NBPF19: variants seen among roughly 807,000 people sequenced by gnomAD.
NBPF19 encodes NBPF family member NBPF19.
In NBPF19, 30 loss-of-function variants were observed where a neutral mutation model predicts 45.9. The ratio of observed to expected loss-of-function variants is 0.65; its 90% CI spans 0.49 to 0.89. NBPF19 has a LOEUF of 0.89. NBPF19 is among the 40% of genes least tolerant of loss of function. NBPF19 has a pLI of 0.00. For missense variants in NBPF19, 495 were observed against 471.8 expected, an observed-to-expected ratio of 1.05 and a Z score of -0.46; for synonymous variants, 183 against 181.2, an observed-to-expected ratio of 1.01 and a Z score of -0.08.
chr1:149,478,765 G>A (rs2084997748), intron 3 of NBPF19, 115 bp from the exon 4 acceptor site: 3 of 1,186,014 alleles, frequency 2.5e-6, no homozygotes, highest in Admixed American at 3.4e-5. Flanking sequence ...AACATGTGCT[G>A]ACCTTCTGCT....
intron 7 of NBPF19, among the ~76,000 whole-genome samples, chr1:149,483,558 T>C (rs2085332418): frequency 6.7e-6 from 1 of 149,664 alleles, no homozygotes; most frequent in Non-Finnish European, 1.5e-5. Flanking sequence ...TATGTGTGAA[T>C]TTGATCCTGT....
At chr1:149,554,257 A>G (rs1443257380) in intron 93 of NBPF19, among the ~76,000 whole-genome samples, 2 of 151,560 alleles carry the variant, frequency 1.3e-5, no homozygotes, top group African/African-American at 4.8e-5. Flanking sequence ...CCAATTCACT[A>G]GGTCACTTTC....
In NBPF19 at chr1:149,477,967, C is replaced by G; in HGVS notation, c.198C>G (p.Leu66=). ...CAGAGTATGAAGAGTGTAAAGACCT[C>G]ATAAAATTTATGCTGAGGAATGAGC... ...KKYKYEECKD[L]IKFMLRNERQ... is the part of the protein sequence containing the mutation. The change falls in exon 3 of 94, where the codon CTC becomes CTG. Residue 66 remains leucine, a synonymous_variant. Transcript: ENST00000651566. 4 of 1,452,938 alleles carry G rather than the reference C, an allele frequency of 2.8e-6. No individual in the cohort carries two copies. The South Asian group carries it at 4.5e-5, about 16-fold the overall frequency. 90.0% of individuals were successfully genotyped at this position (1,452,938 alleles called of 1,614,324 possible). A position where few individuals can be genotyped will look rare whatever the true frequency, so the allele number is the denominator to read the frequency against.
At position 149,554,203 on chromosome 1, in the gene NBPF19, T is replaced by G. The variant is rs1218511661; in HGVS notation, c.11289-292T>G. Among the ~76,000 whole-genome samples, 34 of 150,518 alleles carry G rather than the reference T, an allele frequency of 2.3e-4. No individual in the cohort carries two copies. The East Asian group carries it at 6.4e-3, about 28-fold the overall frequency. The stretch of plus-strand genomic sequence containing the variant: ...AGTTTGCTGTGTGTCATGAGGGCAC[T>G]AACTCAGAGTGTCCTTTTACTCCCT... On this transcript the variant is annotated intron_variant, in intron 93 of 93. Coordinates refer to ENST00000651566, the MANE Select transcript of NBPF19 (RefSeq NM_001351365.2).
chr1:149,480,284 T>C, intron 5 of NBPF19, 70 bp downstream of exon 5: 1 of 630,578 alleles, frequency 1.6e-6, no homozygotes, highest in African/African-American at 1.9e-5. Flanking sequence ...GCACACCCTC[T>C]CTGGCATCTA....
At position 149,555,133 on chromosome 1, in the gene NBPF19, C is replaced by A. The variant is rs1163443457; in HGVS notation, c.*395C>A. ...AAGGTGTTACCCTGGTTTCAATGAA[C>A]CTAACCTCATTCTTTGTGTCTTCAG... On this transcript the variant is annotated 3_prime_UTR_variant, in exon 94 of 94. Coordinates refer to ENST00000651566, the MANE Select transcript of NBPF19 (RefSeq NM_001351365.2). 60 of 267,724 alleles carry A rather than the reference C, an allele frequency of 2.2e-4. 1 individual carries two copies. The highest frequency in any genetic ancestry group is 1.7e-4 in the Non-Finnish European group (24 of 138,922). 16.6% of individuals were successfully genotyped at this position (267,724 alleles called of 1,614,324 possible).
At chr1:149,528,009 G>T (rs2086838114) in intron 60 of NBPF19, among the ~76,000 whole-genome samples, 1 of 87,494 alleles carries the variant, frequency 1.1e-5, no homozygotes, top group Non-Finnish European at 2.2e-5. Context: ...CATGCCTGTG[G>T]CAACCTGAGC....
intron 9 of NBPF19, among the ~76,000 whole-genome samples, 156 bp from the exon 10 acceptor site, chr1:149,487,857 G>C (rs1369013180): frequency 8.9e-5 from 13 of 146,196 alleles, no homozygotes; most frequent in Admixed American, 3.4e-4. Flanking sequence ...CCTGGCCCTA[G>C]TCTATCCCAA....
Position 149,554,579 on chromosome 1 carries a change from C to T in NBPF19, c.11373C>T (p.Tyr3791=), listed in dbSNP as rs1310520578. The change falls in exon 94 of 94, where the codon TAC becomes TAT. Residue 3791 remains tyrosine, a synonymous_variant. Coordinates refer to ENST00000651566, the MANE Select transcript of NBPF19 (RefSeq NM_001351365.2). ...GATGTTATTCGACTCCGTCAATGTA[C>T]TTTGAACTACCTGACTCATTCCAGC... is the stretch of plus-strand genomic sequence containing the variant. ...LDGCYSTPSM[Y]FELPDSFQHY... 175 of 1,608,244 alleles carry T rather than the reference C, an allele frequency of 1.1e-4. 3 individuals carry two copies. In the South Asian group the frequency reaches 1.6e-3, roughly 15 times the overall value.
At chr1:149,487,267 A>G in intron 8 of NBPF19, 65 bp from the exon 9 acceptor site, 8 of 1,189,642 alleles carry the variant, frequency 6.7e-6, no homozygotes, top group Non-Finnish European at 9.9e-6. Flanking sequence ...AGGATTGGAC[A>G]GAGGAATGTT....
intron 9 of NBPF19, 40 bp downstream of exon 9, chr1:149,487,423 C>A (rs1402112533): frequency 1.9e-6 from 2 of 1,072,226 alleles, no homozygotes; most frequent in Non-Finnish European, 2.9e-6. Context: ...TTGATGTTGA[C>A]ACCTGGAGAT....
chr1:149,555,110 G>A lies in NBPF19; in HGVS notation c.*372G>A, dbSNP rs1211254839. 3 of 307,464 alleles carry A rather than the reference G, an allele frequency of 9.8e-6. No homozygotes were observed. The highest frequency in any genetic ancestry group is 3.5e-5 in the South Asian group (1 of 28,664). 19.0% of individuals were successfully genotyped at this position (307,464 alleles called of 1,614,324 possible). On this transcript the variant is annotated 3_prime_UTR_variant, in exon 94 of 94. Coordinates refer to ENST00000651566, the MANE Select transcript of NBPF19 (RefSeq NM_001351365.2). The stretch of plus-strand genomic sequence containing the variant: ...CATCTTTGTGTTTAGCTCATCCAAA[G>A]GTGTTACCCTGGTTTCAATGAACCT...
intron 7 of NBPF19, among the ~76,000 whole-genome samples, chr1:149,483,573 A>G (rs2085333855): frequency 6.7e-6 from 1 of 150,092 alleles, no homozygotes; most frequent in Non-Finnish European, 1.5e-5. Context: ...TCCTGTCGTT[A>G]TGATGTTAGC....
In NBPF19 at chr1:149,475,228, G is replaced by GA. The variant is rs1374333631; in HGVS notation, c.-597dup. ...ATTCATTCACTTTCTAGTGGATACA[G>GA]AAAAAACTGCAGAAGACCCAGAGGA... On this transcript the variant is annotated 5_prime_UTR_variant, in exon 1 of 94. Coordinates refer to ENST00000651566, the MANE Select transcript of NBPF19 (RefSeq NM_001351365.2). Among the ~76,000 whole-genome samples the GA allele has an allele frequency of 8.0e-5, 12 of 150,352 alleles. No individual in the cohort carries two copies. The highest frequency in any genetic ancestry group is 2.9e-4 in the African/African-American group (12 of 40,952).
chr1:149,479,727 C>G (rs2085060182), intron 4 of NBPF19, among the ~76,000 whole-genome samples: 1 of 150,044 alleles, frequency 6.7e-6, no homozygotes, highest in African/African-American at 2.5e-5. Context: ...CCTGTGCAGT[C>G]TCATGACGCA....
chr1:149,487,207 T>G, intron 8 of NBPF19, 125 bp from the exon 9 acceptor site: 1 of 820,162 alleles, frequency 1.2e-6, no homozygotes, highest in Non-Finnish European at 2.1e-6. Flanking sequence ...CTGCAATATT[T>G]CTCTCAAAGT....
Position 149,494,178 on chromosome 1 carries a change from A to C in NBPF19, c.1998-140A>C, listed in dbSNP as rs1298518310. The C allele has an allele frequency of 1.1e-5, 6 of 537,542 alleles. 1 individual carries two copies. The East Asian group carries it at 2.2e-4, about 19-fold the overall frequency. 33.3% of individuals were successfully genotyped at this position (537,542 alleles called of 1,614,324 possible). A position where few individuals can be genotyped will look rare whatever the true frequency, so the allele number is the denominator to read the frequency against. On this transcript the variant is annotated intron_variant, in intron 17 of 93. Transcript: ENST00000651566. The stretch of plus-strand genomic sequence containing the variant: ...CTGGCCCTGGTCTATCCCAACATAA[A>C]GGCAATAATTCATTACCTCATTAAT...
chr1:149,484,517 C>CA (rs1345786851), intron 7 of NBPF19, among the ~76,000 whole-genome samples: 6 of 144,132 alleles, frequency 4.2e-5, no homozygotes, highest in African/African-American at 1.6e-4. Context: ...TATATATATA[C>CA]ATACACACAA....
intron 61 of NBPF19, among the ~76,000 whole-genome samples, chr1:149,528,966 T>TGG (rs2086919362): frequency 7.5e-6 from 1 of 133,342 alleles, no homozygotes; most frequent in Non-Finnish European, 1.6e-5. Flanking sequence ...TGTGTGTGTG[T>TGG]GTGTGTGTGT....
Sources: gnomAD v4.1 joint callset for allele counts (sites outside exome capture counted in the v4.1 genomes callset) on GRCh38, gnomAD v4.1.1 for gene constraint, MANE v1.5 for transcripts, NCBI Gene and HGNC (gene_info 2026-07-23, HGNC 2026-07-21) for gene names.